THRA: variants seen among roughly 807,000 people sequenced by gnomAD.
THRA encodes the protein EAR-7.
Under a neutral mutation model 45.0 loss-of-function variants are expected in THRA, and 13 were observed. The observed-to-expected ratio is 0.29, with a 90% CI of 0.19 to 0.46. The LOEUF is 0.46. Among genes scored for constraint, THRA ranks in the 20% least tolerant of loss-of-function variants. THRA has a pLI of 1.00. For missense variants in THRA, 278 were observed against 556.1 expected, an observed-to-expected ratio of 0.50 and a Z score of 5.03; for synonymous variants, 195 against 214.0, an observed-to-expected ratio of 0.91 and a Z score of 0.78.
At chr17:40,077,407 G>T in intron 3 of THRA, 101 bp from the exon 4 acceptor site, 3 of 989,444 alleles carry the variant, frequency 3.0e-6, no homozygotes, top group East Asian at 4.8e-5. Flanking sequence ...GCTAGGAGAG[G>T]GGTCAGAAAC....
chr17:40,088,586 C>T (rs1987416996), intron 8 of THRA, 86 bp downstream of exon 8: 1 of 1,499,918 alleles, frequency 6.7e-7, no homozygotes, highest in Non-Finnish European at 9.0e-7. Context: ...TCAACTCCCT[C>T]CTGAATCTTC....
At chr17:40,087,468 CACACAA>C in intron 7 of THRA, among the ~76,000 whole-genome samples, 1 of 151,460 alleles carries the variant, frequency 6.6e-6, no homozygotes, top group Non-Finnish European at 1.5e-5. Flanking sequence ...TACAGACACA[CACACAA>C]ACACACAGGC....
At chr17:40,074,880 G>A (rs187892018) in intron 2 of THRA, among the ~76,000 whole-genome samples, 8 of 152,352 alleles carry the variant, frequency 5.3e-5, no homozygotes, top group Admixed American at 5.2e-4. Context: ...AAACAGCCTT[G>A]CCATTTTCTT....
chr17:40,075,910 G>A (rs1986937563), intron 2 of THRA, among the ~76,000 whole-genome samples: 1 of 152,234 alleles, frequency 6.6e-6, no homozygotes. Flanking sequence ...TGTGACCCTG[G>A]CCAAGGTCAC....
At position 40,089,118 on chromosome 17, in the gene THRA, C is replaced by G; in HGVS notation, c.983-88C>G. On this transcript the variant is annotated intron_variant, in intron 8 of 8. Transcript: ENST00000450525. The surrounding 1 kb of genome is among the most constrained non-coding windows in gnomAD (Gnocchi z 6.1). ...TCTCTGCCTCTATCTCCCCTCTAGT[C>G]CTTTCTTCCCACGTCCCCACACCTC... is the stretch of plus-strand genomic sequence containing the variant. 1 of 1,337,126 alleles carries G rather than the reference C, an allele frequency of 7.5e-7. No individual in the cohort carries two copies. The allele number at this position is 1,337,126 out of a possible 1,614,324, so 82.8% of individuals were successfully genotyped here.
In THRA at chr17:40,063,086, C is replaced by A. The variant is rs1986416900; in HGVS notation, c.-304C>A. 1 of 152,080 alleles carries A rather than the reference C, an allele frequency of 6.6e-6. No homozygotes were observed. The highest frequency in any genetic ancestry group is 1.5e-5 in the Non-Finnish European group (1 of 68,036). 9.4% of individuals were successfully genotyped at this position (152,080 alleles called of 1,614,324 possible). A position where few individuals can be genotyped will look rare whatever the true frequency, so the allele number is the denominator to read the frequency against. ...CTGCCCAGCCCGGTCCGGCGCGCCA[C>A]GCCGAGGTAAGGAGGAGGGAGCGAG... On this transcript the variant is annotated 5_prime_UTR_variant, in exon 1 of 9. Coordinates refer to ENST00000450525, the MANE Select transcript of THRA (RefSeq NM_199334.5).
Position 40,089,136 on chromosome 17 carries a change from C to T in THRA, c.983-70C>T. 4 of 1,508,016 alleles carry T rather than the reference C, an allele frequency of 2.7e-6. No homozygotes were observed. Among genetic ancestry groups the T allele is most frequent in the Non-Finnish European group, 3.6e-6 (4 of 1,098,224 alleles). 93.4% of individuals were successfully genotyped at this position (1,508,016 alleles called of 1,614,324 possible). A position where few individuals can be genotyped will look rare whatever the true frequency, so the allele number is the denominator to read the frequency against. ...CTCTAGTCCTTTCTTCCCACGTCCC[C>T]ACACCTCACCCTCCCCATCTCCAGG... is the stretch of plus-strand genomic sequence containing the variant. On this transcript the variant is annotated intron_variant, in intron 8 of 8. Transcript: ENST00000450525. The surrounding 1 kb of genome is among the most constrained non-coding windows in gnomAD (Gnocchi z 6.1).
chr17:40,077,047 G>T (rs1346302432), intron 3 of THRA, 109 bp downstream of exon 3: 2 of 1,129,596 alleles, frequency 1.8e-6, no homozygotes, highest in African/African-American at 3.1e-5. Flanking sequence ...TCCCTGGGGG[G>T]AGCCTCCTAG....
intron 4 of THRA, among the ~76,000 whole-genome samples, chr17:40,082,238 G>T: frequency 9.0e-6 from 1 of 111,440 alleles, no homozygotes; most frequent in Non-Finnish European, 1.8e-5. Flanking sequence ...TTTTGAGACA[G>T]AGTTTTGCTC....
In THRA at chr17:40,084,716, G is replaced by C. The variant is rs1252466405; in HGVS notation, c.477G>C (p.Glu159Asp). 1 of 1,614,122 alleles carries C rather than the reference G, an allele frequency of 6.2e-7. No individual in the cohort carries two copies. The highest frequency in any genetic ancestry group is 1.1e-5 in the South Asian group (1 of 91,088). Reference sequence around the variant, plus strand: ...TCCGATCACTGCAGCAGCGACCAGAGCCCACTCCTGAAGAGTGGGATCTGA... The same window carrying C: ...TCCGATCACTGCAGCAGCGACCAGACCCCACTCCTGAAGAGTGGGATCTGA... ...EMIRSLQQRP[E>D]PTPEEWDLIH... Residue 159 changes from glutamate to aspartate, a missense_variant, in exon 6 of 9, where the codon GAG (glutamate) becomes GAC (aspartate). Around this residue, in one of 6 missense-constraint regions of THRA, gnomAD observed 111 missense variants for 167.1 expected, o/e 0.66. Transcript: ENST00000450525.
intron 4 of THRA, 150 bp downstream of exon 4, chr17:40,077,758 C>T (rs539565324): frequency 2.4e-5 from 15 of 622,308 alleles, no homozygotes; most frequent in Non-Finnish European, 3.6e-5. Flanking sequence ...AGTGCAGTGG[C>T]GCGATCATGG....
intron 1 of THRA, among the ~76,000 whole-genome samples, chr17:40,071,834 C>A (rs1193664512): frequency 2.0e-5 from 3 of 152,190 alleles, no homozygotes; most frequent in Non-Finnish European, 4.4e-5. Flanking sequence ...CTCTGTATCA[C>A]CCCAAAGGCC....
intron 2 of THRA, among the ~76,000 whole-genome samples, chr17:40,074,997 G>A (rs1225476211): frequency 6.6e-6 from 1 of 152,264 alleles, no homozygotes; most frequent in African/African-American, 2.4e-5. Flanking sequence ...ATTGGTCATA[G>A]CCCAAGCTTA....
chr17:40,085,724 A>T (rs975943195), intron 6 of THRA, among the ~76,000 whole-genome samples: 1 of 150,988 alleles, frequency 6.6e-6, no homozygotes, highest in African/African-American at 2.4e-5. Context: ...GCTCACCGCA[A>T]CCTCTACCTC....
chr17:40,093,261 G>C (rs1754139940), downstream of THRA: 1 of 1,613,748 alleles, frequency 6.2e-7, no homozygotes, highest in Non-Finnish European at 8.5e-7. This position sits in a 1 kb window ranked among gnomAD's most constrained non-coding sequence, Gnocchi z 5.9. Flanking sequence ...CACCGAAGCG[G>C]AATTCTCCAT....
intron 1 of THRA, among the ~76,000 whole-genome samples, chr17:40,070,390 G>C (rs183475833): frequency 6.6e-6 from 1 of 152,322 alleles, no homozygotes; most frequent in Non-Finnish European, 1.5e-5. Flanking sequence ...ATAGAACAGG[G>C]GGTATGGGAA....
At chr17:40,067,575 G>A (rs1174209569) in intron 1 of THRA, among the ~76,000 whole-genome samples, 1 of 152,174 alleles carries the variant, frequency 6.6e-6, no homozygotes, top group Admixed American at 6.5e-5. Context: ...CATCTGTCCT[G>A]GGTTGCCTCT....
chr17:40,088,346 G>C lies in THRA; in HGVS notation c.828G>C (p.Leu276=), dbSNP rs1987406795. ...ACCCTGAGAGCGACACCCTGACGCT[G>C]AGTGGGGAGATGGCTGTCAAGCGGG... The part of the protein sequence containing the change: ...RYDPESDTLT[L]SGEMAVKREQ... Residue 276 remains leucine, a synonymous_variant, in exon 8 of 9, where the codon CTG becomes CTC. Coordinates refer to ENST00000450525, the MANE Select transcript of THRA (RefSeq NM_199334.5). The C allele has an allele frequency of 6.2e-7, 1 of 1,614,040 alleles. No individual in the cohort carries two copies.
intron 2 of THRA, among the ~76,000 whole-genome samples, chr17:40,076,437 C>A (rs889530557): frequency 6.6e-6 from 1 of 152,202 alleles, no homozygotes; most frequent in African/African-American, 2.4e-5. Context: ...GCATACTCAC[C>A]ATCCATGGGT....
Sources: gnomAD v4.1 joint callset for allele counts (sites outside exome capture counted in the v4.1 genomes callset) on GRCh38, gnomAD v4.1.1 for gene constraint, gnomAD v4.1.1 regional missense constraint, Gnocchi (gnomAD v3.1) non-coding constraint, MANE v1.5 for transcripts, NCBI Gene and HGNC (gene_info 2026-07-23, HGNC 2026-07-21) for gene names.